Variants in IL23R observed in about 807,000 individuals in gnomAD.
IL23R encodes interleukin-23 receptor.
IL23R carries 34 observed loss-of-function variants against 56.9 expected under a neutral mutation model. The observed-to-expected ratio is 0.60, with a 90% CI of 0.45 to 0.80. The LOEUF (loss-of-function observed/expected upper bound fraction) is 0.80, where lower values mean the gene tolerates loss of function less well. Among genes scored for constraint, IL23R ranks in the 30% least tolerant of loss-of-function variants. IL23R has a pLI of 0.00. For synonymous variants in IL23R, 230 were observed against 249.2 expected (o/e 0.92, Z 0.73); for missense variants, 635 against 730.0 (o/e 0.87, Z 1.50).
chr1:67,200,997 G>A, intron 5 of IL23R, 100 bp downstream of exon 5: 1 of 1,220,088 alleles, frequency 8.2e-7, no homozygotes, highest in Admixed American at 1.9e-5. Flanking sequence ...TAAAGTTCCT[G>A]CAGAGCATGA....
chr1:67,188,390 G>A (rs1013153004), intron 4 of IL23R, among the ~76,000 whole-genome samples: 7 of 152,180 alleles, frequency 4.6e-5, no homozygotes, highest in Non-Finnish European at 1.5e-5. Flanking sequence ...TGGCAGAAGG[G>A]CATTGTAAAT....
At chr1:67,235,517 C>T (rs1468610556) in intron 7 of IL23R, among the ~76,000 whole-genome samples, 3 of 151,994 alleles carry the variant, frequency 2.0e-5, no homozygotes, top group South Asian at 2.1e-4. Flanking sequence ...TCTCAGCCTC[C>T]CAAGTAGCTG....
chr1:67,251,451 C>CA (rs34047151), intron 9 of IL23R, among the ~76,000 whole-genome samples: 58,609 of 127,714 alleles, frequency 0.46, 12,825 homozygotes, highest in East Asian at 0.73. Context: ...GACTCTGTCT[C>CA]AAAAAAAAAA....
intron 4 of IL23R, among the ~76,000 whole-genome samples, chr1:67,199,113 T>A (rs1310440973): frequency 6.6e-6 from 1 of 152,126 alleles, no homozygotes; most frequent in African/African-American, 2.4e-5. Flanking sequence ...AGTGTGAATC[T>A]CACTATATGC....
In IL23R at chr1:67,228,007, TTTC is replaced by T. The variant is rs1381808300; in HGVS notation, c.955+8280_955+8282del. On this transcript the variant is annotated intron_variant, in intron 7 of 10. Transcript: ENST00000347310. ...CTTTCTTTCTTTCTTTCTTTCTTTC[TTTC>T]TTTCTTTCTTCCTTTCTTTCTTTTC... Among the ~76,000 whole-genome samples, 109 of 104,096 alleles carry T rather than the reference TTTC, an allele frequency of 1.0e-3. 16 individuals are homozygous for T. The highest frequency in any genetic ancestry group is 2.8e-3 in the African/African-American group (71 of 24,944). 68.3% of individuals were successfully genotyped at this position (104,096 alleles called of 152,430 possible).
At chr1:67,209,128 T>TAA (rs1230392849) in intron 6 of IL23R, among the ~76,000 whole-genome samples, 2 of 152,220 alleles carry the variant, frequency 1.3e-5, no homozygotes, top group African/African-American at 2.4e-5. Context: ...CTGTATTACC[T>TAA]AATACCTGTA....
At chr1:67,186,417 C>A (rs150363242) in intron 4 of IL23R, among the ~76,000 whole-genome samples, 1 of 151,950 alleles carries the variant, frequency 6.6e-6, no homozygotes, top group Non-Finnish European at 1.5e-5. Flanking sequence ...TTTTAGCACC[C>A]ATCACTACAA....
intron 7 of IL23R, among the ~76,000 whole-genome samples, chr1:67,235,976 T>C (rs1651445924): frequency 6.6e-6 from 1 of 152,176 alleles, no homozygotes; most frequent in Non-Finnish European, 1.5e-5. Flanking sequence ...GTTGGGAGAA[T>C]TGTGTCCTTG....
At chr1:67,156,297 G>C (rs979090770) in intron 1 of IL23R, among the ~76,000 whole-genome samples, 1 of 152,220 alleles carries the variant, frequency 6.6e-6, no homozygotes, top group Non-Finnish European at 1.5e-5. Flanking sequence ...GAGGCAGTCT[G>C]TCCCTCAGCA....
At chr1:67,163,980 A>G (rs1570768362), upstream of IL23R, among the ~76,000 whole-genome samples, 1 of 152,202 alleles carries the variant, frequency 6.6e-6, no homozygotes, top group East Asian at 1.9e-4. Flanking sequence ...TATGACACTG[A>G]AAAAACAAGC....
intron 5 of IL23R, among the ~76,000 whole-genome samples, chr1:67,203,846 A>G (rs1006885922): frequency 1.3e-5 from 2 of 152,228 alleles, no homozygotes; most frequent in Admixed American, 6.5e-5. Flanking sequence ...ACACTTGCCA[A>G]AAAAGCATAT....
downstream of IL23R, among the ~76,000 whole-genome samples, chr1:67,262,520 C>A (rs1251281642): frequency 6.6e-6 from 1 of 152,158 alleles, no homozygotes; most frequent in Non-Finnish European, 1.5e-5. Flanking sequence ...TTGCCACTGA[C>A]AAATCCTTCT....
chr1:67,214,553 C>T (rs1409481924), intron 6 of IL23R, among the ~76,000 whole-genome samples: 2 of 152,162 alleles, frequency 1.3e-5, no homozygotes, highest in Non-Finnish European at 2.9e-5. Flanking sequence ...ACCAAGATGG[C>T]CTATGTAGCA....
intron 4 of IL23R, among the ~76,000 whole-genome samples, chr1:67,195,096 G>A (rs915133421): frequency 6.6e-6 from 1 of 152,180 alleles, no homozygotes; most frequent in Non-Finnish European, 1.5e-5. Context: ...CTGGAGTGCA[G>A]TGGTGCAATG....
intron 4 of IL23R, among the ~76,000 whole-genome samples, chr1:67,198,962 C>T (rs750652653): frequency 3.3e-5 from 5 of 152,038 alleles, no homozygotes; most frequent in Non-Finnish European, 5.9e-5. Flanking sequence ...TTCATATCCA[C>T]CCCCATTGGC....
intron 7 of IL23R, among the ~76,000 whole-genome samples, chr1:67,225,765 C>T (rs1164591025): frequency 7.2e-5 from 11 of 151,906 alleles, no homozygotes. Context: ...CTGCCTTGGC[C>T]TCCCAGAGTG....
In IL23R at chr1:67,240,921, T is replaced by A. The variant is rs142485938; in HGVS notation, c.1148+640T>A. 1.2e-4 allele frequency among the ~76,000 whole-genome samples: 18 copies of A among 152,318 alleles called. No individual in the cohort carries two copies. The East Asian group carries it at 2.9e-3, about 25-fold the overall frequency. The stretch of plus-strand genomic sequence containing the variant: ...GGTTATGGATTGGCATTTGCCTTAT[T>A]TGAACACAGTTTGAACACTTAGCAG... On this transcript the variant is annotated intron_variant, in intron 9 of 10. Transcript: ENST00000347310.
intron 8 of IL23R, 65 bp from the exon 9 acceptor site, chr1:67,240,114 T>C (rs762730995): frequency 1.5e-5 from 17 of 1,129,680 alleles, no homozygotes; most frequent in South Asian, 2.5e-5. Flanking sequence ...GTAAAGAGAA[T>C]AGTAATTCTG....
At chr1:67,223,100 A>G (rs1014986275) in intron 7 of IL23R, among the ~76,000 whole-genome samples, 2 of 152,064 alleles carry the variant, frequency 1.3e-5, no homozygotes, top group African/African-American at 4.8e-5. Context: ...CTAAAAATAC[A>G]AAAATTAACT....
Sources: allele counts gnomAD v4.1 joint callset (sites outside exome capture counted in the v4.1 genomes callset), GRCh38; gene constraint gnomAD v4.1.1; transcripts MANE v1.5; gene names NCBI Gene and HGNC (gene_info 2026-07-23, HGNC 2026-07-21).